SUGCT: variants seen among roughly 807,000 people sequenced by gnomAD.
SUGCT encodes the protein succinyl-CoA:glutarate CoA-transferase.
SUGCT carries 41 observed loss-of-function variants against 55.0 expected under a neutral mutation model. That is an observed-to-expected ratio of 0.74 (90% CI 0.58 to 0.97). The LOEUF is 0.97. SUGCT is among the 50% of genes least tolerant of loss of function. The probability of loss-of-function intolerance (pLI) is 0.00; values close to 1 mark genes in which losing one functional copy is unlikely to be tolerated. For missense variants in SUGCT, 568 were observed against 547.8 expected, an observed-to-expected ratio of 1.04 and a Z score of -0.37; for synonymous variants, 187 against 200.4, an observed-to-expected ratio of 0.93 and a Z score of 0.56.
intron 12 of SUGCT, among the ~76,000 whole-genome samples, chr7:40,606,642 C>T (rs1798548982): frequency 6.6e-6 from 1 of 152,154 alleles, no homozygotes; most frequent in Non-Finnish European, 1.5e-5. Context: ...TAATAAGAAA[C>T]CTACTAAAAA....
At chr7:40,723,876 T>C (rs896120503) in intron 12 of SUGCT, among the ~76,000 whole-genome samples, 1 of 152,208 alleles carries the variant, frequency 6.6e-6, no homozygotes, top group South Asian at 2.1e-4. Context: ...CTATCACCAG[T>C]TCCTACCACC....
intron 13 of SUGCT, among the ~76,000 whole-genome samples, chr7:40,846,692 A>G (rs1029986843): frequency 2.0e-5 from 3 of 152,212 alleles, no homozygotes; most frequent in Non-Finnish European, 4.4e-5. Context: ...TTATAACACC[A>G]TCTGCTAAAG....
intron 9 of SUGCT, among the ~76,000 whole-genome samples, chr7:40,339,054 G>C (rs1176576653): frequency 6.6e-6 from 1 of 152,206 alleles, no homozygotes; most frequent in Non-Finnish European, 1.5e-5. Context: ...GGAGGCTACA[G>C]AACAGTGAAC....
chr7:40,167,213 G>A (rs1036349238), intron 1 of SUGCT, among the ~76,000 whole-genome samples: 1 of 152,148 alleles, frequency 6.6e-6, no homozygotes, highest in Non-Finnish European at 1.5e-5. Flanking sequence ...ATGCAACAAT[G>A]TGATGAAACT....
intron 8 of SUGCT, among the ~76,000 whole-genome samples, chr7:40,293,599 A>G (rs972930947): frequency 2.0e-5 from 3 of 152,226 alleles, no homozygotes; most frequent in Admixed American, 6.5e-5. Context: ...AGATCCACTC[A>G]GTCTGGGGCA....
chr7:40,259,084 C>A (rs1335369843), intron 7 of SUGCT, among the ~76,000 whole-genome samples: 3 of 152,136 alleles, frequency 2.0e-5, no homozygotes, highest in Non-Finnish European at 4.4e-5. Flanking sequence ...CACCACATGA[C>A]CTCACTTATA....
In SUGCT at chr7:40,844,868, T is replaced by C. The variant is rs571555132; in HGVS notation, c.1154-15448T>C. 5.3e-5 allele frequency among the ~76,000 whole-genome samples: 8 copies of C among 152,290 alleles called. No homozygotes were observed. In the South Asian group the frequency reaches 1.7e-3, roughly 32 times the overall value. On this transcript the variant is annotated intron_variant, in intron 13 of 13. Coordinates refer to ENST00000335693, the MANE Select transcript of SUGCT (RefSeq NM_001193313.2). ...GTATGTGTTTAGAAGCCAGAATCAATAGAATTTGCTGATGGATTGGATATG... is the reference window on the plus strand; with the variant it reads ...GTATGTGTTTAGAAGCCAGAATCAACAGAATTTGCTGATGGATTGGATATG...
At chr7:40,653,835 T>G (rs565546029) in intron 12 of SUGCT, among the ~76,000 whole-genome samples, 7 of 152,354 alleles carry the variant, frequency 4.6e-5, no homozygotes, top group African/African-American at 1.7e-4. Context: ...TGTTTTTCTC[T>G]TCTTGAAAGC....
the SUGCT span, among the ~76,000 whole-genome samples, chr7:40,876,477 T>C: frequency 2.0e-5 from 3 of 152,196 alleles, no homozygotes; most frequent in Non-Finnish European, 4.4e-5. Context: ...AAATACAGGC[T>C]GGGCATATTG....
chr7:40,492,109 A>C (rs565841467), intron 11 of SUGCT, among the ~76,000 whole-genome samples: 1 of 152,306 alleles, frequency 6.6e-6, no homozygotes, highest in East Asian at 1.9e-4. Context: ...GTAGTGTGAC[A>C]ACCATGAAAA....
intron 9 of SUGCT, among the ~76,000 whole-genome samples, chr7:40,395,356 G>C (rs1785665047): frequency 6.6e-6 from 1 of 151,760 alleles, no homozygotes; most frequent in African/African-American, 2.4e-5. Context: ...GGTTATGGTG[G>C]CTGGTGTCTG....
chr7:40,191,781 A>G (rs1023238680), intron 5 of SUGCT, among the ~76,000 whole-genome samples: 16 of 152,164 alleles, frequency 1.1e-4, no homozygotes, highest in Admixed American at 2.6e-4. Flanking sequence ...CTAGTCTTTC[A>G]TATTTCTGGT....
intron 6 of SUGCT, among the ~76,000 whole-genome samples, chr7:40,226,896 A>G (rs554908615): frequency 6.6e-6 from 1 of 152,108 alleles, no homozygotes; most frequent in East Asian, 1.9e-4. Flanking sequence ...CAACAAAAGC[A>G]AAACTTTTGT....
chr7:40,673,933 C>T (rs181372327), intron 12 of SUGCT, among the ~76,000 whole-genome samples: 61 of 152,218 alleles, frequency 4.0e-4, no homozygotes, highest in East Asian at 3.3e-3. Context: ...ACCTTTTCTA[C>T]GACCCAAACT....
the SUGCT span, among the ~76,000 whole-genome samples, chr7:40,875,705 T>C: frequency 6.6e-6 from 1 of 152,196 alleles, no homozygotes; most frequent in East Asian, 1.9e-4. Flanking sequence ...AAGCTAACCT[T>C]TACAGAATCT....
chr7:40,565,605 T>G (rs1455013298), intron 12 of SUGCT, among the ~76,000 whole-genome samples: 1 of 152,194 alleles, frequency 6.6e-6, no homozygotes, highest in Admixed American at 6.5e-5. Flanking sequence ...ATGATCATCG[T>G]GACCCTGTTC....
downstream of SUGCT, among the ~76,000 whole-genome samples, chr7:40,864,798 G>A (rs558782330): frequency 1.2e-3 from 176 of 152,244 alleles, no homozygotes; most frequent in Non-Finnish European, 2.2e-3. Flanking sequence ...GAAGCCACAG[G>A]CAGAATGAAC....
intron 9 of SUGCT, among the ~76,000 whole-genome samples, chr7:40,398,630 A>G (rs548087305): frequency 7.2e-5 from 11 of 151,732 alleles, no homozygotes; most frequent in African/African-American, 2.4e-4. Flanking sequence ...CATTCTAATC[A>G]AGTGTAGCTG....
At chr7:40,716,370 G>T (rs1304253440) in intron 12 of SUGCT, among the ~76,000 whole-genome samples, 2 of 152,198 alleles carry the variant, frequency 1.3e-5, no homozygotes, top group Non-Finnish European at 2.9e-5. Context: ...ATGGCTGATT[G>T]ATGTTTAACC....
Sources: gnomAD v4.1 joint callset for allele counts (sites outside exome capture counted in the v4.1 genomes callset) on GRCh38, gnomAD v4.1.1 for gene constraint, MANE v1.5 for transcripts, NCBI Gene and HGNC (gene_info 2026-07-23, HGNC 2026-07-21) for gene names.